The following SLC25A33 variants were observed in gnomAD, a reference collection of about 807,000 sequenced individuals.
SLC25A33 encodes the protein solute carrier family 25 member 33.
In SLC25A33, 15 loss-of-function variants were observed where a neutral mutation model predicts 35.5. That is an observed-to-expected ratio of 0.42 (90% CI 0.28 to 0.65). SLC25A33 has a LOEUF of 0.65. Ranked by LOEUF, SLC25A33 falls within the 30% of genes least tolerant of loss-of-function variation. The pLI, the probability that SLC25A33 is intolerant of heterozygous loss-of-function variation, is 0.20. For missense variants in SLC25A33, 257 were observed against 398.5 expected, an observed-to-expected ratio of 0.64 and a Z score of 3.02; for synonymous variants, 136 against 148.7, an observed-to-expected ratio of 0.91 and a Z score of 0.62.
Position 9,574,486 on chromosome 1 carries a change from C to G in SLC25A33, c.482+1074C>G, listed in dbSNP as rs560493994. Among the ~76,000 whole-genome samples, 7 of 152,336 alleles carry G rather than the reference C, an allele frequency of 4.6e-5. No individual in the cohort carries two copies. In the East Asian group the frequency reaches 1.3e-3, roughly 29 times the overall value. Reference sequence around the variant, plus strand: ...AGATATGGCAGTAGTCCAGTAACTACTATAATTTCTAAGAAATGATAAACA... The same window carrying G: ...AGATATGGCAGTAGTCCAGTAACTAGTATAATTTCTAAGAAATGATAAACA... On this transcript the variant is annotated intron_variant, in intron 5 of 6. Transcript: ENST00000302692.
intron 2 of SLC25A33, among the ~76,000 whole-genome samples, chr1:9,562,550 T>C (rs545333888): frequency 6.6e-6 from 1 of 151,980 alleles, no homozygotes; most frequent in Non-Finnish European, 1.5e-5. Context: ...ATAATATTTT[T>C]ATGTAATTGA....
chr1:9,580,309 CTGAGGCGCACAT>C (rs1643723053), intron 6 of SLC25A33, 75 bp downstream of exon 6: 1 of 1,543,794 alleles, frequency 6.5e-7, no homozygotes, highest in Non-Finnish European at 8.7e-7. Context: ...ATCTAGACTT[CTGAGGCGCACAT>C]TGAGGCGCAG....
chr1:9,568,594 G>A (rs1643543624), intron 3 of SLC25A33, among the ~76,000 whole-genome samples: 1 of 152,188 alleles, frequency 6.6e-6, no homozygotes, highest in African/African-American at 2.4e-5. Context: ...GCTCACGCCT[G>A]TAATCCCAGC....
intron 6 of SLC25A33, 38 bp downstream of exon 6, chr1:9,580,272 G>C (rs1325929973): frequency 6.3e-7 from 1 of 1,596,698 alleles, no homozygotes; most frequent in Non-Finnish European, 8.5e-7. Context: ...CAGTAAAACA[G>C]CTGTCACGTT....
At chr1:9,540,385 G>T (rs899224303) in intron 1 of SLC25A33, among the ~76,000 whole-genome samples, 1 of 152,074 alleles carries the variant, frequency 6.6e-6, no homozygotes, top group Non-Finnish European at 1.5e-5. Flanking sequence ...GCCAGAGACC[G>T]CAGAATTGTA....
In SLC25A33 at chr1:9,539,488, C is replaced by T. The variant is rs1386469862; in HGVS notation, c.-204C>T. ...CTAGCTCCCCGCCGGGCTCGCGCCGCAGAGGCCGGTGAGGCGCCGGCGGCC... is the reference window on the plus strand; with the variant it reads ...CTAGCTCCCCGCCGGGCTCGCGCCGTAGAGGCCGGTGAGGCGCCGGCGGCC... On this transcript the variant is annotated 5_prime_UTR_variant, in exon 1 of 7. Coordinates refer to ENST00000302692, the MANE Select transcript of SLC25A33 (RefSeq NM_032315.3). 3 of 206,818 alleles carry T rather than the reference C, an allele frequency of 1.5e-5. No individual in the cohort carries two copies. Among genetic ancestry groups the T allele is most frequent in the African/African-American group, 7.0e-5 (3 of 42,608 alleles). The allele number at this position is 206,818 out of a possible 1,614,324, so 12.8% of individuals were successfully genotyped here. A position where few individuals can be genotyped will look rare whatever the true frequency, so the allele number is the denominator to read the frequency against.
In SLC25A33 at chr1:9,584,905, C is replaced by A. The variant is rs530237306; in HGVS notation, c.*2404C>A. The A allele has an allele frequency of 6.6e-6, 1 of 151,372 alleles. No individual in the cohort carries two copies. The highest frequency in any genetic ancestry group is 1.5e-5 in the Non-Finnish European group (1 of 67,804). The allele number at this position is 151,372 out of a possible 1,614,324, so 9.4% of individuals were successfully genotyped here. A position where few individuals can be genotyped will look rare whatever the true frequency, so the allele number is the denominator to read the frequency against. On this transcript the variant is annotated 3_prime_UTR_variant, in exon 7 of 7. Transcript: ENST00000302692. The stretch of plus-strand genomic sequence containing the variant: ...AATGTTTTTTCATTTTTTGTGCAGA[C>A]GAGGTTTTGCTATGTTGTCCAGGCT...
intron 2 of SLC25A33, among the ~76,000 whole-genome samples, chr1:9,555,263 G>A (rs1046537892): frequency 4.0e-5 from 6 of 151,740 alleles, no homozygotes; most frequent in East Asian, 1.9e-4. Context: ...GACTGCAGGT[G>A]CCCGCCATCA....
rs548813660 is a variant in SLC25A33 at position 9,582,005 on chromosome 1, C to A, written c.764-294C>A. Among the ~76,000 whole-genome samples the A allele has an allele frequency of 6.6e-6, 1 of 152,038 alleles. No homozygotes were observed. Among genetic ancestry groups the A allele is most frequent in the Non-Finnish European group, 1.5e-5 (1 of 68,012 alleles). On this transcript the variant is annotated intron_variant, in intron 6 of 6. Transcript: ENST00000302692. The surrounding 1 kb of genome is among the most constrained non-coding windows in gnomAD (Gnocchi z 4.0). The stretch of plus-strand genomic sequence containing the variant: ...GTGGCACGATCCCGACTCATTGCGA[C>A]CTTCACCTCCCAGGTTCAAGCGATC...
chr1:9,576,018 C>T (rs1643657052), intron 5 of SLC25A33, among the ~76,000 whole-genome samples: 1 of 152,152 alleles, frequency 6.6e-6, no homozygotes, highest in Admixed American at 6.5e-5. Context: ...CCAAGTGTCC[C>T]ATAGTAAACT....
intron 3 of SLC25A33, among the ~76,000 whole-genome samples, chr1:9,568,466 CA>C (rs1450428124): frequency 2.0e-5 from 3 of 151,790 alleles, no homozygotes; most frequent in Non-Finnish European, 4.4e-5. Context: ...CAAAACAAAA[CA>C]AAAAAACTTC....
intron 2 of SLC25A33, among the ~76,000 whole-genome samples, chr1:9,562,702 A>G (rs1557530789): frequency 1.3e-5 from 2 of 151,650 alleles, no homozygotes; most frequent in Non-Finnish European, 2.9e-5. Context: ...TAAAAATACA[A>G]AATTAGCTGG....
Position 9,582,413 on chromosome 1 carries a change from C to A in SLC25A33, c.878C>A (p.Ala293Asp). 1 of 1,613,946 alleles carries A rather than the reference C, an allele frequency of 6.2e-7. No homozygotes were observed. ...GYLAFYRGLF[A>D]QLIRQIPNTA... The stretch of plus-strand genomic sequence containing the variant: ...CTTGCCTTTTATAGAGGACTGTTTG[C>A]CCAGCTTATCCGGCAGATCCCAAAT... The change falls in exon 7 of 7, where the codon GCC (alanine) becomes GAC (aspartate). Residue 293 changes from alanine to aspartate, a missense_variant. Physicochemically the swap from Ala to Asp is moderately radical, Grantham distance 126. Transcript: ENST00000302692. This position sits in a 1 kb window ranked among gnomAD's most constrained non-coding sequence, Gnocchi z 4.0.
intron 1 of SLC25A33, among the ~76,000 whole-genome samples, chr1:9,540,082 GC>G (rs1296730278): frequency 1.3e-5 from 2 of 152,024 alleles, no homozygotes; most frequent in African/African-American, 4.8e-5. Flanking sequence ...CTGTGGCGCG[GC>G]CCCCCCTCCC....
intron 1 of SLC25A33, among the ~76,000 whole-genome samples, chr1:9,546,174 ATTTTTTTTTTTTT>A (rs746460317): frequency 1.6e-4 from 16 of 100,520 alleles, no homozygotes; most frequent in African/African-American, 4.6e-4. Context: ...ACACAGAGAA[ATTTTTTTTTTTTT>A]TTTTTTTTTT....
intron 3 of SLC25A33, among the ~76,000 whole-genome samples, chr1:9,568,948 A>T (rs1643550476): frequency 6.6e-6 from 1 of 151,948 alleles, no homozygotes; most frequent in Admixed American, 6.6e-5. Flanking sequence ...TCAGTGCTCC[A>T]ATTTAAACAT....
chr1:9,564,878 C>T (rs537095082), intron 2 of SLC25A33, among the ~76,000 whole-genome samples: 45 of 150,938 alleles, frequency 3.0e-4, no homozygotes, highest in Non-Finnish European at 5.8e-4. Flanking sequence ...GAGCCGAGAT[C>T]GTCCCACTGC....
chr1:9,539,678 G>T lies in SLC25A33; in HGVS notation c.-14G>T. ...CGCCACCGGGCGGCGACGGGCCGCG[G>T]AGCCGGCGCGGCCATGGCGACGGGC... On this transcript the variant is annotated 5_prime_UTR_variant, in exon 1 of 7. Coordinates refer to ENST00000302692, the MANE Select transcript of SLC25A33 (RefSeq NM_032315.3). The T allele has an allele frequency of 7.3e-7, 1 of 1,361,226 alleles. No individual in the cohort carries two copies. The highest frequency in any genetic ancestry group is 9.4e-7 in the Non-Finnish European group (1 of 1,059,848). The allele number at this position is 1,361,226 out of a possible 1,614,324, so 84.3% of individuals were successfully genotyped here. A position where few individuals can be genotyped will look rare whatever the true frequency, so the allele number is the denominator to read the frequency against.
At chr1:9,564,643 TAGTA>T (rs547327472) in intron 2 of SLC25A33, among the ~76,000 whole-genome samples, 125 of 150,512 alleles carry the variant, frequency 8.3e-4, no homozygotes, top group African/African-American at 3.0e-3. Context: ...TCCCAGCACT[TAGTA>T]AGGCCAAGGT....
Sources: allele counts gnomAD v4.1 joint callset (sites outside exome capture counted in the v4.1 genomes callset), GRCh38; gene constraint gnomAD v4.1.1; non-coding constraint Gnocchi (gnomAD v3.1); transcripts MANE v1.5; gene names NCBI Gene and HGNC (gene_info 2026-07-23, HGNC 2026-07-21).